LRIF1: variants seen among roughly 807,000 people sequenced by gnomAD.
The protein encoded by LRIF1 is ligand dependent nuclear receptor interacting factor 1.
In LRIF1, 32 loss-of-function variants were observed where a neutral mutation model predicts 52.7. The observed-to-expected ratio is 0.61, with a 90% CI of 0.46 to 0.82. LRIF1 has a LOEUF of 0.82. Among genes scored for constraint, LRIF1 ranks in the 40% least tolerant of loss-of-function variants. LRIF1 has a pLI of 0.00. For missense variants in LRIF1, 887 were observed against 892.0 expected, an observed-to-expected ratio of 0.99 and a Z score of 0.07; for synonymous variants, 323 against 317.4, an observed-to-expected ratio of 1.02 and a Z score of -0.19.
Position 110,952,355 on chromosome 1 carries a change from G to C in LRIF1, c.529C>G (p.Pro177Ala). 1 of 1,614,090 alleles carries C rather than the reference G, an allele frequency of 6.2e-7. No individual in the cohort carries two copies. Among genetic ancestry groups the C allele is most frequent in the Non-Finnish European group, 8.5e-7 (1 of 1,179,946 alleles). The change falls in exon 2 of 4, where the codon CCA becomes GCA. Residue 177 changes from proline to alanine, a missense_variant. Physicochemically the swap from Pro to Ala is conservative, Grantham distance 27. Transcript: ENST00000369763. Reference sequence around the variant, plus strand: ...AAATGATGCCCAGAAGGCAAAACTGGAGACTTCACAGTCACTGGAAGACTC... The same window carrying C: ...AAATGATGCCCAGAAGGCAAAACTGCAGACTTCACAGTCACTGGAAGACTC... ...TQSLPVTVKSPVLPSGHHLQI... is the reference protein window; with the variant it reads ...TQSLPVTVKSAVLPSGHHLQI...
chr1:110,948,010 T>A lies in LRIF1; in HGVS notation c.2259A>T (p.Arg753Ser). Residue 753 changes from arginine to serine, a missense_variant, in exon 4 of 4, where the codon AGA becomes AGT. Coordinates refer to ENST00000369763, the MANE Select transcript of LRIF1 (RefSeq NM_018372.4). ...EKIRRLKQVL[R>S]EKEAALEEMR... ...TTTCTTCAAGAGCTGCTTCTTTCTC[T>A]CTCAGCACCTGCTTAAGTCTTCTTA... 6.2e-7 allele frequency: 1 copy of A among 1,601,756 alleles called. No homozygotes were observed. Among genetic ancestry groups the A allele is most frequent in the Admixed American group, 1.7e-5 (1 of 57,578 alleles).
At chr1:110,886,846 AAT>A in the LRIF1 span, among the ~76,000 whole-genome samples, 446 of 100,996 alleles carry the variant, frequency 4.4e-3, 10 homozygotes, top group African/African-American at 0.013. Context: ...CTCTGTCTCC[AAT>A]ATATATATAT....
At position 110,948,399 on chromosome 1, in the gene LRIF1, G is replaced by A; in HGVS notation, c.1870C>T (p.Gln624Ter). ...FMVKEGERKQ[Q>*]NFDKKRKAKT... ...GCTTTTCTTTTCTTATCAAAATTCTGCTGCAATATTGAATAACATTCCAAA... is the reference window on the plus strand; with the variant it reads ...GCTTTTCTTTTCTTATCAAAATTCTACTGCAATATTGAATAACATTCCAAA... The change falls in exon 4 of 4, where the codon CAG becomes TAG. Residue 624 changes from glutamine to a stop codon, truncating the protein, a stop_gained and splice_region_variant. Transcript: ENST00000369763. LOFTEE classifies it low-confidence loss of function (END_TRUNC). 6.2e-7 allele frequency: 1 copy of A among 1,606,282 alleles called. No homozygotes were observed. The highest frequency in any genetic ancestry group is 1.1e-5 in the South Asian group (1 of 90,356).
chr1:110,896,176 T>C, the LRIF1 span, among the ~76,000 whole-genome samples: 1 of 152,234 alleles, frequency 6.6e-6, no homozygotes, highest in African/African-American at 2.4e-5. Flanking sequence ...GGCTAGTTGC[T>C]TCCTCGAGTA....
At chr1:110,943,561 T>C (rs1377119058), downstream of LRIF1, 2 of 152,212 alleles carry the variant, frequency 1.3e-5, no homozygotes, top group East Asian at 3.8e-4. Context: ...TAAATATAAC[T>C]AATTTAATCT....
At chr1:110,906,580 AAAAT>A in the LRIF1 span, among the ~76,000 whole-genome samples, 17 of 152,170 alleles carry the variant, frequency 1.1e-4, no homozygotes, top group South Asian at 2.1e-4. Context: ...TCGCATCAAA[AAAAT>A]AAATAAATAA....
In LRIF1 at chr1:110,963,744, G is replaced by GT; in HGVS notation, c.-57dup. 7.2e-7 allele frequency: 1 copy of GT among 1,396,778 alleles called. No individual in the cohort carries two copies. The highest frequency in any genetic ancestry group is 1.0e-6 in the Non-Finnish European group (1 of 999,810). 86.5% of individuals were successfully genotyped at this position (1,396,778 alleles called of 1,614,324 possible). On this transcript the variant is annotated 5_prime_UTR_variant, in exon 1 of 4. Coordinates refer to ENST00000369763, the MANE Select transcript of LRIF1 (RefSeq NM_018372.4). ...AGAAAAGTGGGAAGCGTGGGGCCGA[G>GT]TTTCCCAATGGGGCGAGAACCAGAG... is the stretch of plus-strand genomic sequence containing the variant.
chr1:110,902,495 TAAAAAAAAAAAAAAA>T, the LRIF1 span, among the ~76,000 whole-genome samples: 1 of 72,664 alleles, frequency 1.4e-5, no homozygotes, highest in African/African-American at 7.0e-5. Flanking sequence ...AATCAATCAC[TAAAAAAAAAAAAAAA>T]AAAAAAAAAA....
At chr1:110,921,672 C>T in the LRIF1 span, among the ~76,000 whole-genome samples, 1 of 151,956 alleles carries the variant, frequency 6.6e-6, no homozygotes, top group African/African-American at 2.4e-5. Context: ...CTGACAGAAC[C>T]ATAGAGAGAA....
chr1:110,912,212 TA>T, the LRIF1 span, among the ~76,000 whole-genome samples: 2 of 152,060 alleles, frequency 1.3e-5, no homozygotes, highest in African/African-American at 4.8e-5. Flanking sequence ...TTCTTTCCTT[TA>T]CTTATTTATT....
chr1:110,935,983 C>T, the LRIF1 span, among the ~76,000 whole-genome samples: 1 of 151,828 alleles, frequency 6.6e-6, no homozygotes, highest in Non-Finnish European at 1.5e-5. Flanking sequence ...AATGGAGCTC[C>T]GATATATCTG....
intron 1 of LRIF1, among the ~76,000 whole-genome samples, chr1:110,958,127 C>T (rs576669287): frequency 4.6e-5 from 7 of 152,264 alleles, no homozygotes; most frequent in African/African-American, 9.6e-5. Flanking sequence ...CAGCTGGACG[C>T]GAAAATCATC....
At chr1:110,955,690 G>A (rs998858513) in intron 1 of LRIF1, among the ~76,000 whole-genome samples, 1 of 152,162 alleles carries the variant, frequency 6.6e-6, no homozygotes, top group East Asian at 1.9e-4. Context: ...TGAGGAGTGG[G>A]TATGAAGCAA....
the LRIF1 span, among the ~76,000 whole-genome samples, chr1:110,915,189 A>G: frequency 6.6e-6 from 1 of 152,236 alleles, no homozygotes; most frequent in Non-Finnish European, 1.5e-5. Context: ...TAAAAAGGCT[A>G]TAAAATAAAT....
chr1:110,939,154 G>A, the LRIF1 span: 12,868 of 152,016 alleles, frequency 0.085, 606 homozygotes, highest in East Asian at 0.14. Flanking sequence ...CGAGACGGGC[G>A]GATCACAAGG....
At chr1:110,960,152 T>TG (rs955948163) in intron 1 of LRIF1, among the ~76,000 whole-genome samples, 4 of 152,170 alleles carry the variant, frequency 2.6e-5, no homozygotes, top group Non-Finnish European at 5.9e-5. Flanking sequence ...AATGGAGATT[T>TG]GGAAACATTT....
the LRIF1 span, among the ~76,000 whole-genome samples, chr1:110,921,179 T>C: frequency 2.6e-5 from 4 of 152,204 alleles, no homozygotes; most frequent in Admixed American, 6.5e-5. Flanking sequence ...AAAAGCTTTG[T>C]ATCATCTGGT....
At chr1:110,896,517 G>T in the LRIF1 span, 6 of 737,298 alleles carry the variant, frequency 8.1e-6, no homozygotes, top group East Asian at 1.3e-4. Flanking sequence ...GTTTTAAGGA[G>T]CCCATAGCAA....
the LRIF1 span, among the ~76,000 whole-genome samples, chr1:110,876,785 A>C: frequency 6.6e-6 from 1 of 152,182 alleles, no homozygotes; most frequent in Non-Finnish European, 1.5e-5. Flanking sequence ...AAAAAATGAC[A>C]AAATTCAGAC....
Sources: gnomAD v4.1 joint callset for allele counts (sites outside exome capture counted in the v4.1 genomes callset) on GRCh38, gnomAD v4.1.1 for gene constraint, MANE v1.5 for transcripts, NCBI Gene and HGNC (gene_info 2026-07-23, HGNC 2026-07-21) for gene names.